Variants in ASCC3 observed in about 807,000 individuals in gnomAD.
The protein encoded by ASCC3 is ASC-1 complex subunit P200.
A neutral mutation model predicts 256.3 loss-of-function variants in ASCC3; 158 were observed. The observed-to-expected ratio is 0.62, with a 90% CI of 0.54 to 0.70. ASCC3 has a LOEUF of 0.70. ASCC3 is among the 30% of genes least tolerant of loss of function. The probability of loss-of-function intolerance (pLI) is 0.00; values close to 1 mark genes in which losing one functional copy is unlikely to be tolerated. For missense variants in ASCC3, 2,259 were observed against 2,626.0 expected, an observed-to-expected ratio of 0.86 and a Z score of 3.05; for synonymous variants, 948 against 883.4, an observed-to-expected ratio of 1.07 and a Z score of -1.30.
chr6:100,528,840 A>G (rs145369701), intron 37 of ASCC3, among the ~76,000 whole-genome samples: 1 of 152,324 alleles, frequency 6.6e-6, no homozygotes, highest in East Asian at 1.9e-4. Context: ...AGGGCAATGG[A>G]ATATGAATTC....
intron 36 of ASCC3, among the ~76,000 whole-genome samples, chr6:100,567,647 A>G (rs905487789): frequency 2.6e-5 from 4 of 152,172 alleles, no homozygotes; most frequent in Non-Finnish European, 5.9e-5. Context: ...TATAGGTGAG[A>G]ACCTGCAGAA....
At chr6:100,581,043 C>A (rs943197535) in intron 36 of ASCC3, among the ~76,000 whole-genome samples, 2 of 151,992 alleles carry the variant, frequency 1.3e-5, no homozygotes, top group African/African-American at 4.8e-5. Context: ...AATAAACATA[C>A]GTGTGCATGT....
chr6:100,845,890 G>T (rs1387665455), intron 4 of ASCC3, among the ~76,000 whole-genome samples: 3 of 152,148 alleles, frequency 2.0e-5, no homozygotes, highest in Non-Finnish European at 4.4e-5. Context: ...AGGTTGAGAA[G>T]AATTTTTGCC....
At chr6:100,772,004 G>A (rs992825785) in intron 8 of ASCC3, among the ~76,000 whole-genome samples, 3 of 149,212 alleles carry the variant, frequency 2.0e-5, no homozygotes, top group Non-Finnish European at 4.4e-5. Context: ...CTCAGCCTCC[G>A]GAGTAGCTGG....
Position 100,679,651 on chromosome 6 carries a change from G to A in ASCC3, c.2253C>T (p.Thr751=), listed in dbSNP as rs756865802. Residue 751 remains threonine, a synonymous_variant, in exon 14 of 42, where the codon ACC becomes ACT. Coordinates refer to ENST00000369162, the MANE Select transcript of ASCC3 (RefSeq NM_006828.4). ...NCGHIPFFFP[T]QGHDYVLAEK... is the part of the protein sequence containing the mutation. ...CTGCAAGTACATAGTCATGTCCTTG[G>A]GTAGGAAAAAAGAAGGGAATATGGC... 3.1e-6 allele frequency: 5 copies of A among 1,613,356 alleles called. No individual in the cohort carries two copies. The highest frequency in any genetic ancestry group is 3.3e-5 in the Admixed American group (2 of 59,994).
At chr6:100,693,981 A>G (rs1418318153) in intron 13 of ASCC3, among the ~76,000 whole-genome samples, 1 of 152,256 alleles carries the variant, frequency 6.6e-6, no homozygotes, top group Non-Finnish European at 1.5e-5. Flanking sequence ...CATGACAGCA[A>G]TTCCTGTGAC....
chr6:100,548,788 G>C (rs1378073136), intron 36 of ASCC3, among the ~76,000 whole-genome samples: 5 of 151,810 alleles, frequency 3.3e-5, no homozygotes, highest in Admixed American at 3.3e-4. Context: ...AGTGTTCTAG[G>C]AATAGTATAC....
intron 1 of ASCC3, among the ~76,000 whole-genome samples, chr6:100,880,813 A>G (rs1317538233): frequency 6.6e-6 from 1 of 152,234 alleles, no homozygotes; most frequent in Non-Finnish European, 1.5e-5. Flanking sequence ...CACTTGGACA[A>G]TATGTAGCTT....
chr6:100,529,826 G>A (rs1774777186), intron 37 of ASCC3, among the ~76,000 whole-genome samples: 2 of 152,086 alleles, frequency 1.3e-5, no homozygotes, highest in South Asian at 4.2e-4. Context: ...TCAGTAAAAC[G>A]AGAGTAATAA....
At chr6:100,663,929 AG>A (rs1303349097) in intron 14 of ASCC3, among the ~76,000 whole-genome samples, 1 of 152,054 alleles carries the variant, frequency 6.6e-6, no homozygotes, top group Non-Finnish European at 1.5e-5. Context: ...CCCATGGATA[AG>A]GGGGGACTAC....
At chr6:100,868,830 G>A (rs1773604373) in intron 1 of ASCC3, among the ~76,000 whole-genome samples, 2 of 152,180 alleles carry the variant, frequency 1.3e-5, no homozygotes, top group African/African-American at 4.8e-5. Flanking sequence ...TGAGGGGGAA[G>A]AACATACCGG....
chr6:100,687,523 G>T (rs1297631007), intron 13 of ASCC3, among the ~76,000 whole-genome samples: 1 of 151,734 alleles, frequency 6.6e-6, no homozygotes, highest in African/African-American at 2.4e-5. Context: ...CACCATGCCT[G>T]GCTAAATAGT....
At chr6:100,638,415 T>A (rs1308795632) in intron 25 of ASCC3, among the ~76,000 whole-genome samples, 186 bp downstream of exon 25, 1 of 152,228 alleles carries the variant, frequency 6.6e-6, no homozygotes, top group Non-Finnish European at 1.5e-5. Flanking sequence ...TTCACTATAT[T>A]GTGGTAGTAT....
intron 16 of ASCC3, among the ~76,000 whole-genome samples, chr6:100,658,989 G>A (rs914126787): frequency 5.9e-5 from 9 of 151,386 alleles, no homozygotes; most frequent in Non-Finnish European, 8.9e-5. Context: ...ATATATGGAT[G>A]GGACTTGTGA....
intron 8 of ASCC3, among the ~76,000 whole-genome samples, chr6:100,794,782 T>C (rs1263093158): frequency 3.3e-5 from 5 of 152,072 alleles, no homozygotes; most frequent in Non-Finnish European, 7.4e-5. Context: ...TCAAGTGTTA[T>C]GTTTGGGCCA....
At chr6:100,859,074 C>T in intron 3 of ASCC3, 1 of 776,788 alleles carries the variant, frequency 1.3e-6, no homozygotes, top group Non-Finnish European at 2.4e-6. Flanking sequence ...TTCAGATTTT[C>T]TATTTCTTCT....
At chr6:100,611,858 T>G (rs538095254) in intron 30 of ASCC3, among the ~76,000 whole-genome samples, 1 of 123,296 alleles carries the variant, frequency 8.1e-6, no homozygotes, top group East Asian at 3.1e-4. Context: ...GAAGAGTTGC[T>G]ATAGAATTAA....
At chr6:100,632,460 GA>G (rs371495245) in intron 25 of ASCC3, among the ~76,000 whole-genome samples, 6 of 148,464 alleles carry the variant, frequency 4.0e-5, no homozygotes, top group East Asian at 2.0e-4. Flanking sequence ...CACAGAAATA[GA>G]AAAAAAAAAT....
At chr6:100,623,314 G>A (rs1349272755) in intron 30 of ASCC3, among the ~76,000 whole-genome samples, 1 of 152,088 alleles carries the variant, frequency 6.6e-6, no homozygotes, top group Non-Finnish European at 1.5e-5. Flanking sequence ...AAGATAAAAT[G>A]ATCGCTATTA....
Sources: allele counts gnomAD v4.1 joint callset (sites outside exome capture counted in the v4.1 genomes callset), GRCh38; gene constraint gnomAD v4.1.1; transcripts MANE v1.5; gene names NCBI Gene and HGNC (gene_info 2026-07-23, HGNC 2026-07-21).